The following ASB14 variants were observed in gnomAD, a reference collection of about 807,000 sequenced individuals.
ASB14 encodes ankyrin repeat and SOCS box protein 14.
ASB14 carries 63 observed loss-of-function variants against 55.6 expected under a neutral mutation model. That is an observed-to-expected ratio of 1.13 (90% CI 0.92 to 1.40). The LOEUF is 1.40. Among genes scored for constraint, ASB14 ranks in the 40% most tolerant of loss-of-function variants. The probability of loss-of-function intolerance (pLI) is 0.00; values close to 1 mark genes in which losing one functional copy is unlikely to be tolerated. For missense variants in ASB14, 724 were observed against 710.4 expected (o/e 1.02, Z -0.22); for synonymous variants, 256 against 259.9 (o/e 0.98, Z 0.15).
intron 2 of ASB14, among the ~76,000 whole-genome samples, chr3:57,290,076 T>C (rs1258986587): frequency 1.3e-5 from 2 of 152,196 alleles, no homozygotes; most frequent in Non-Finnish European, 2.9e-5. Flanking sequence ...GATTTAGTAT[T>C]GTGTTAGTTT....
At chr3:57,284,339 A>G (rs2107626414) in intron 5 of ASB14, among the ~76,000 whole-genome samples, 1 of 152,248 alleles carries the variant, frequency 6.6e-6, no homozygotes, top group Non-Finnish European at 1.5e-5. Context: ...TATGTTGCCC[A>G]GGCTGGTCTT....
At chr3:57,270,493 CAAGT>C (rs780022277) in intron 10 of ASB14, 10 of 152,502 alleles carry the variant, frequency 6.6e-5, no homozygotes, top group Non-Finnish European at 1.3e-4. Flanking sequence ...TTAGGATTGA[CAAGT>C]AAAGATACTG....
chr3:57,279,668 A>G (rs1015024946), intron 7 of ASB14, among the ~76,000 whole-genome samples: 2 of 152,016 alleles, frequency 1.3e-5, no homozygotes, highest in Admixed American at 1.3e-4. Flanking sequence ...ACTGCACTCC[A>G]GCCTGGCTGC....
chr3:57,278,554 A>G lies in ASB14; in HGVS notation c.1254T>C (p.Val418=). The change falls in exon 8 of 11, where the codon GTT becomes GTC. Residue 418 remains valine, a synonymous_variant. Transcript: ENST00000487349. The part of the protein sequence containing the change: ...HGANVNYFCR[V]NPLHFPSALQ... ...GTGCTGATGGGAAATGTAAAGGGTT[A>G]ACTCTGCAGAAGTAATTGACATTGG... 1 of 1,614,226 alleles carries G rather than the reference A, an allele frequency of 6.2e-7. No individual in the cohort carries two copies. The highest frequency in any genetic ancestry group is 8.5e-7 in the Non-Finnish European group (1 of 1,180,040).
intron 10 of ASB14, among the ~76,000 whole-genome samples, chr3:57,275,626 TAC>T (rs1318595611): frequency 4.6e-5 from 7 of 152,188 alleles, no homozygotes; most frequent in African/African-American, 1.4e-4. Flanking sequence ...GGCATGCATG[TAC>T]AGTTGTATGT....
intron 2 of ASB14, among the ~76,000 whole-genome samples, chr3:57,290,917 T>C (rs1383397904): frequency 1.3e-5 from 2 of 152,226 alleles, no homozygotes; most frequent in East Asian, 1.9e-4. Flanking sequence ...AGTATAGGAA[T>C]AGTGTGTGGC....
rs753763893 is a variant in ASB14, at chr3:57,278,839, T to C, written c.969A>G (p.Ala323=). 1.9e-6 allele frequency: 3 copies of C among 1,613,664 alleles called. No homozygotes were observed. Among genetic ancestry groups the C allele is most frequent in the African/African-American group, 2.7e-5 (2 of 74,932 alleles). Residue 323 remains alanine, a synonymous_variant, in exon 8 of 11, where the codon GCA becomes GCG. Coordinates refer to ENST00000487349, the MANE Select transcript of ASB14 (RefSeq NM_001142733.3). ...GTTCCAGGCACTGAGGATGTGCTCC[T>C]GCTGCTGCACAGTGAACTGGACTGA... ...SGISPVHCAA[A]GAHPQCLELL... is the part of the protein sequence containing the mutation.
chr3:57,291,807 T>A (rs2061133467), intron 2 of ASB14, 105 bp downstream of exon 2: 1 of 989,414 alleles, frequency 1.0e-6, no homozygotes, highest in Non-Finnish European at 1.4e-6. Context: ...GCTCCTTGGA[T>A]TCTGACCCTC....
Position 57,268,673 on chromosome 3 carries a change from AG to A in ASB14, c.*967del. ...TTTTTTGATATGATGTTTACATTAT[AG>A]TTACGTTGACATGTAATATGACTGT... is the stretch of plus-strand genomic sequence containing the variant. On this transcript the variant is annotated 3_prime_UTR_variant, in exon 11 of 11. Coordinates refer to ENST00000487349, the MANE Select transcript of ASB14 (RefSeq NM_001142733.3). The A allele has an allele frequency of 6.4e-6, 3 of 465,480 alleles. No homozygotes were observed. The highest frequency in any genetic ancestry group is 1.0e-5 in the Non-Finnish European group (3 of 289,212). The allele number at this position is 465,480 out of a possible 1,614,324, so 28.8% of individuals were successfully genotyped here. A position where few individuals can be genotyped will look rare whatever the true frequency, so the allele number is the denominator to read the frequency against.
chr3:57,274,722 T>C (rs1462262794), intron 10 of ASB14, among the ~76,000 whole-genome samples: 4 of 152,062 alleles, frequency 2.6e-5, no homozygotes, highest in Non-Finnish European at 5.9e-5. Flanking sequence ...CAGTTTGAAA[T>C]ATACAGAAAT....
chr3:57,278,244 TTATCA>T, intron 8 of ASB14, 128 bp downstream of exon 8: 2 of 665,336 alleles, frequency 3.0e-6, no homozygotes, highest in Non-Finnish European at 2.5e-6. Flanking sequence ...CATAATTATT[TTATCA>T]TATAATTATT....
chr3:57,283,009 G>T, intron 6 of ASB14, 185 bp downstream of exon 6: 1 of 391,500 alleles, frequency 2.6e-6, no homozygotes, highest in Non-Finnish European at 3.5e-6. Flanking sequence ...AATTATGTCA[G>T]ACCTAATAAA....
Position 57,278,503 on chromosome 3 carries a change from G to A in ASB14, c.1305C>T (p.Val435=). The A allele has an allele frequency of 3.7e-6, 6 of 1,614,152 alleles. No homozygotes were observed. The African/African-American group carries it at 5.3e-5, about 14-fold the overall frequency. Reference sequence around the variant, plus strand: ...CATAGTTCAGCAGCATCCTGAGCATGACTTCATCTTTCAGAGTGTATTGCA... The same window carrying A: ...CATAGTTCAGCAGCATCCTGAGCATAACTTCATCTTTCAGAGTGTATTGCA... ...SALQYTLKDE[V]MLRMLLNYGY... The change falls in exon 8 of 11, where the codon GTC becomes GTT. Residue 435 remains valine (V), a synonymous_variant. Transcript: ENST00000487349.
intron 10 of ASB14, chr3:57,271,153 A>C (rs570887317): frequency 2.6e-5 from 4 of 152,378 alleles, no homozygotes; most frequent in Admixed American, 2.6e-4. Context: ...TTTGATATAC[A>C]GTTTTTTCTT....
rs369121489 is a variant in ASB14, at chr3:57,278,738, T to A, written c.1070A>T (p.Lys357Met). Residue 357 changes from lysine to methionine, a missense_variant, in exon 8 of 11, where the codon AAG becomes ATG. Transcript: ENST00000487349. ...TGATACAGCAAAATACAAAGCTGAC[T>A]TCCTGTGGTCATCGTAGTGTTTGTT... ...RINKHYDDHR[K>M]SALYFAVSNS... The A allele has an allele frequency of 5.6e-6, 9 of 1,613,756 alleles. No individual in the cohort carries two copies. The highest frequency in any genetic ancestry group is 1.7e-5 in the Admixed American group (1 of 59,970).
At chr3:57,280,497 A>G (rs1402787722) in intron 6 of ASB14, 24 bp from the exon 7 acceptor site, 1 of 1,528,860 alleles carries the variant, frequency 6.5e-7, no homozygotes, top group South Asian at 1.2e-5. Context: ...GACTCTTGTT[A>G]ATGCAAAAAT....
Position 57,283,452 on chromosome 3 carries a change from A to G in ASB14, c.470-13T>C. On this transcript the variant is annotated splice_polypyrimidine_tract_variant and intron_variant, in intron 5 of 10. Transcript: ENST00000487349. The stretch of plus-strand genomic sequence containing the variant: ...TCACGCAGCACAGCTGGGAAATGAG[A>G]AGTGTGGTGGGCATGTTCAACGGGA... The G allele has an allele frequency of 6.5e-7, 1 of 1,549,544 alleles. No individual in the cohort carries two copies. Among genetic ancestry groups the G allele is most frequent in the Non-Finnish European group, 8.7e-7 (1 of 1,145,990 alleles).
chr3:57,290,554 A>G (rs1361881893), intron 2 of ASB14, among the ~76,000 whole-genome samples: 1 of 152,176 alleles, frequency 6.6e-6, no homozygotes, highest in Non-Finnish European at 1.5e-5. Flanking sequence ...ACATCTTTGG[A>G]TGGGACCATT....
intron 9 of ASB14, among the ~76,000 whole-genome samples, chr3:57,277,118 T>C (rs1202665721): frequency 6.6e-6 from 1 of 151,824 alleles, no homozygotes; most frequent in Non-Finnish European, 1.5e-5. Flanking sequence ...ATACAAAAAT[T>C]AGCTGGGCGT....
Sources: gnomAD v4.1 joint callset for allele counts (sites outside exome capture counted in the v4.1 genomes callset) on GRCh38, gnomAD v4.1.1 for gene constraint, MANE v1.5 for transcripts, NCBI Gene and HGNC (gene_info 2026-07-23, HGNC 2026-07-21) for gene names.